STPG2: variants seen among roughly 807,000 people sequenced by gnomAD.
STPG2 encodes sperm tail PG-rich repeat containing 2.
Under a neutral mutation model 54.2 loss-of-function variants are expected in STPG2, and 56 were observed. The ratio of observed to expected loss-of-function variants is 1.03; its 90% CI spans 0.83 to 1.29. STPG2 has a LOEUF of 1.29. STPG2 is among the 50% of genes most tolerant of loss of function. STPG2 has a pLI of 0.00. For synonymous variants in STPG2, 200 were observed against 181.8 expected (o/e 1.10, Z -0.81); for missense variants, 596 against 544.9 (o/e 1.09, Z -0.93).
chr4:97,890,376 TA>T (rs1730721797), intron 8 of STPG2, among the ~76,000 whole-genome samples: 1 of 152,010 alleles, frequency 6.6e-6, no homozygotes. Context: ...AATTATTTTG[TA>T]AAAGAGTGAA....
At chr4:98,114,682 C>T (rs1739456375) in intron 3 of STPG2, among the ~76,000 whole-genome samples, 1 of 151,420 alleles carries the variant, frequency 6.6e-6, no homozygotes, top group Non-Finnish European at 1.5e-5. Flanking sequence ...TAATAGTAAT[C>T]CAGTAGGAGG....
chr4:97,984,718 G>T (rs192797695), intron 5 of STPG2, among the ~76,000 whole-genome samples: 7 of 152,100 alleles, frequency 4.6e-5, no homozygotes, highest in Non-Finnish European at 7.3e-5. Context: ...TTTTTGAAGT[G>T]TAGTCAAAGA....
chr4:97,831,391 A>G (rs976138486), intron 9 of STPG2, among the ~76,000 whole-genome samples: 4 of 152,170 alleles, frequency 2.6e-5, no homozygotes, highest in Admixed American at 6.5e-5. Flanking sequence ...AGAAAAATTT[A>G]TAGTACTAAA....
In STPG2 at chr4:98,143,192, G is replaced by GA; in HGVS notation, c.-43dup. On this transcript the variant is annotated 5_prime_UTR_variant, in exon 1 of 11. Transcript: ENST00000295268. ...GGGGCGCTGGGGAAGGGCAGGTGCC[G>GA]AAAACGATAAAAACAAGGTAGCTAG... The GA allele has an allele frequency of 6.7e-7, 1 of 1,500,488 alleles. No homozygotes were observed. Among genetic ancestry groups the GA allele is most frequent in the Non-Finnish European group, 9.2e-7 (1 of 1,086,484 alleles). 92.9% of individuals were successfully genotyped at this position (1,500,488 alleles called of 1,614,324 possible).
At chr4:97,627,139 C>T (rs1734155911) in intron 10 of STPG2, among the ~76,000 whole-genome samples, 1 of 152,026 alleles carries the variant, frequency 6.6e-6, no homozygotes, top group Non-Finnish European at 1.5e-5. Flanking sequence ...TAAAATGCCA[C>T]CTGTCCTTCT....
chr4:97,489,300 T>C (rs1323997705), intron 4 of STPG2, among the ~76,000 whole-genome samples: 2 of 151,652 alleles, frequency 1.3e-5, no homozygotes, highest in Non-Finnish European at 3.0e-5. Flanking sequence ...CTAATACAGA[T>C]GGATTAGATA....
chr4:97,585,101 C>CAAAAAAAAAAAAAAAAAAAAAAAAA (rs60854805), intron 10 of STPG2, among the ~76,000 whole-genome samples: 7 of 46,250 alleles, frequency 1.5e-4, no homozygotes, highest in South Asian at 1.2e-3. Flanking sequence ...AAAATATTCT[C>CAAAAAAAAAAAAAAAAAAAAAAAAA]AAAAAAAAAA....
intron 5 of STPG2, among the ~76,000 whole-genome samples, chr4:98,055,452 G>A (rs1737451326): frequency 6.6e-6 from 1 of 152,164 alleles, no homozygotes; most frequent in Non-Finnish European, 1.5e-5. Flanking sequence ...CATGGGCTAA[G>A]AGCACCAGAC....
chr4:97,470,511 C>A (rs1729897528), intron 4 of STPG2, among the ~76,000 whole-genome samples: 1 of 151,778 alleles, frequency 6.6e-6, no homozygotes, highest in African/African-American at 2.4e-5. Flanking sequence ...GTTTCAAGAC[C>A]CCTAGTGGAT....
chr4:97,736,760 T>C (rs1310062002), intron 9 of STPG2, among the ~76,000 whole-genome samples: 1 of 152,198 alleles, frequency 6.6e-6, no homozygotes, highest in Non-Finnish European at 1.5e-5. Flanking sequence ...CCTGCCTCTG[T>C]AGGCTCCACT....
intron 5 of STPG2, among the ~76,000 whole-genome samples, chr4:98,070,225 A>G (rs1463150348): frequency 6.6e-6 from 1 of 152,116 alleles, no homozygotes; most frequent in Non-Finnish European, 1.5e-5. Flanking sequence ...ACACAAATCA[A>G]TAAATGTGAT....
At chr4:97,778,449 T>A (rs1031138431) in intron 9 of STPG2, among the ~76,000 whole-genome samples, 1 of 152,130 alleles carries the variant, frequency 6.6e-6, no homozygotes, top group African/African-American at 2.4e-5. Flanking sequence ...TTGTACTGGG[T>A]GGAGCCCACC....
chr4:97,956,061 T>TA (rs1239487909), intron 7 of STPG2, among the ~76,000 whole-genome samples: 3 of 151,608 alleles, frequency 2.0e-5, no homozygotes, highest in Admixed American at 1.3e-4. Flanking sequence ...GAGAAATAAA[T>TA]AAAAAAAGTA....
chr4:98,042,315 C>T (rs1027621853), intron 5 of STPG2, among the ~76,000 whole-genome samples: 3 of 151,192 alleles, frequency 2.0e-5, no homozygotes, highest in Admixed American at 6.6e-5. Context: ...TTTTTTACTT[C>T]AATTTTATAT....
chr4:97,730,373 T>G (rs146428423), intron 9 of STPG2, among the ~76,000 whole-genome samples: 5 of 152,218 alleles, frequency 3.3e-5, no homozygotes, highest in Non-Finnish European at 7.3e-5. Flanking sequence ...ATGGTATATA[T>G]GTACGACATT....
At chr4:98,079,783 C>T (rs150962931) in intron 5 of STPG2, among the ~76,000 whole-genome samples, 303 of 152,150 alleles carry the variant, frequency 2.0e-3, no homozygotes, top group African/African-American at 7.2e-3. Flanking sequence ...TCTTTAGGTA[C>T]ATTTACATGT....
intron 9 of STPG2, among the ~76,000 whole-genome samples, chr4:97,821,253 C>T (rs188658641): frequency 2.4e-4 from 37 of 152,292 alleles, no homozygotes; most frequent in African/African-American, 8.4e-4. Context: ...GCAGGACAGT[C>T]ATAAAATCTT....
chr4:98,060,568 T>C (rs1407710392), intron 5 of STPG2, among the ~76,000 whole-genome samples: 2 of 152,128 alleles, frequency 1.3e-5, no homozygotes, highest in Non-Finnish European at 2.9e-5. Flanking sequence ...GAAAACTATT[T>C]TTAAATGGTA....
chr4:97,636,335 C>T (rs1560696597), intron 10 of STPG2, among the ~76,000 whole-genome samples: 2 of 142,720 alleles, frequency 1.4e-5, no homozygotes, highest in Non-Finnish European at 3.1e-5. Context: ...GGGACACATT[C>T]AAAGCAGTGT....
Sources: gnomAD v4.1 joint callset for allele counts (sites outside exome capture counted in the v4.1 genomes callset) on GRCh38, gnomAD v4.1.1 for gene constraint, MANE v1.5 for transcripts, NCBI Gene and HGNC (gene_info 2026-07-23, HGNC 2026-07-21) for gene names.